Variants in FHIT observed in about 807,000 individuals in gnomAD.
FHIT encodes bis(5'-adenosyl)-triphosphatase.
In FHIT, 19 loss-of-function variants were observed where a neutral mutation model predicts 17.9. That is an observed-to-expected ratio of 1.06 (90% confidence interval 0.74 to 1.56). The LOEUF is 1.56. Among genes scored for constraint, FHIT ranks in the 40% most tolerant of loss-of-function variants. The pLI is 0.00. For missense variants in FHIT, 248 were observed against 189.2 expected (o/e 1.31, Z -1.82); for synonymous variants, 81 against 69.7 (o/e 1.16, Z -0.81).
At chr3:59,986,530 T>C (rs527795986) in intron 7 of FHIT, among the ~76,000 whole-genome samples, 1,210 of 4,444 alleles carry the variant, frequency 0.27, 98 homozygotes, top group South Asian at 0.42. Flanking sequence ...TATATATATA[T>C]ATATATATAT....
chr3:60,414,066 T>C (rs570122429), intron 5 of FHIT, among the ~76,000 whole-genome samples: 12 of 152,346 alleles, frequency 7.9e-5, no homozygotes, highest in Admixed American at 6.5e-4. Flanking sequence ...ACTGGAATGA[T>C]AGGCGGGTGG....
At chr3:60,718,719 T>C (rs2041742427) in intron 4 of FHIT, among the ~76,000 whole-genome samples, 1 of 152,122 alleles carries the variant, frequency 6.6e-6, no homozygotes, top group African/African-American at 2.4e-5. Context: ...TAATGGAATG[T>C]TAAGAGTTGG....
At chr3:60,523,080 T>C (rs1559511011) in intron 5 of FHIT, among the ~76,000 whole-genome samples, 1 of 152,126 alleles carries the variant, frequency 6.6e-6, no homozygotes, top group Non-Finnish European at 1.5e-5. Context: ...GTGAGACTTA[T>C]TCATTACCAC....
intron 4 of FHIT, among the ~76,000 whole-genome samples, chr3:60,732,999 A>G (rs1400666857): frequency 1.3e-5 from 2 of 152,096 alleles, no homozygotes; most frequent in Non-Finnish European, 2.9e-5. Flanking sequence ...TTGCATATGA[A>G]ATGCACTATT....
At chr3:60,551,883 T>A (rs946153832) in intron 4 of FHIT, among the ~76,000 whole-genome samples, 1 of 151,960 alleles carries the variant, frequency 6.6e-6, no homozygotes, top group African/African-American at 2.4e-5. Context: ...AGTGTACAGT[T>A]TGATGGTTTT....
Position 60,662,703 on chromosome 3 carries a change from T to G in FHIT, c.-17-125724A>C, listed in dbSNP as rs1009659997. Among the ~76,000 whole-genome samples, 25 of 152,316 alleles carry G rather than the reference T, an allele frequency of 1.6e-4. 2 individuals carry two copies. In the South Asian group the frequency reaches 2.9e-3, roughly 18 times the overall value. ...GAACATGGGATATGTTTCCATTTGTTTGCGTCATCTATGATTTCCTTAAGT... is the reference window on the plus strand; with the variant it reads ...GAACATGGGATATGTTTCCATTTGTGTGCGTCATCTATGATTTCCTTAAGT... On this transcript the variant is annotated intron_variant, in intron 4 of 9. Coordinates refer to ENST00000492590, the MANE Select transcript of FHIT (RefSeq NM_002012.4).
At chr3:60,975,654 GT>G (rs1298676126) in intron 3 of FHIT, among the ~76,000 whole-genome samples, 2 of 152,138 alleles carry the variant, frequency 1.3e-5, no homozygotes, top group Non-Finnish European at 2.9e-5. Context: ...CAAGGCAGGA[GT>G]TTTCAAACCT....
intron 3 of FHIT, among the ~76,000 whole-genome samples, chr3:61,025,422 C>T (rs974107025): frequency 6.6e-6 from 1 of 152,156 alleles, no homozygotes; most frequent in Non-Finnish European, 1.5e-5. Flanking sequence ...CTCCAAAGTG[C>T]TAAATGTGTG....
At chr3:59,930,279 C>G (rs927809597) in intron 7 of FHIT, among the ~76,000 whole-genome samples, 9 of 152,134 alleles carry the variant, frequency 5.9e-5, no homozygotes, top group Non-Finnish European at 1.2e-4. Context: ...GGATGCATTG[C>G]AGCCATGGTG....
chr3:59,950,005 C>T (rs1250473518), intron 7 of FHIT, among the ~76,000 whole-genome samples: 1 of 152,158 alleles, frequency 6.6e-6, no homozygotes, highest in South Asian at 2.1e-4. Flanking sequence ...TCAGGAGGAA[C>T]TGCAGAAGGA....
At chr3:60,860,138 T>TGATATATATATG (rs1394786638) in intron 3 of FHIT, among the ~76,000 whole-genome samples, 1 of 144,970 alleles carries the variant, frequency 6.9e-6, no homozygotes, top group African/African-American at 2.6e-5. Context: ...ATCTGATATA[T>TGATATATATATG]ATACATATGG....
chr3:60,723,161 T>C (rs2041846378), intron 4 of FHIT, among the ~76,000 whole-genome samples: 2 of 152,216 alleles, frequency 1.3e-5, no homozygotes, highest in African/African-American at 4.8e-5. Flanking sequence ...TCCCACGGCA[T>C]GCTGAATCCT....
At chr3:60,969,200 G>T (rs1278462893) in intron 3 of FHIT, among the ~76,000 whole-genome samples, 1 of 151,970 alleles carries the variant, frequency 6.6e-6, no homozygotes, top group Non-Finnish European at 1.5e-5. Flanking sequence ...GCTAATTTCT[G>T]TAATAGATAT....
At chr3:60,383,314 A>G (rs1201674290) in intron 5 of FHIT, among the ~76,000 whole-genome samples, 1 of 152,118 alleles carries the variant, frequency 6.6e-6, no homozygotes, top group African/African-American at 2.4e-5. Flanking sequence ...TAATAACAAT[A>G]TTTTTTAAAA....
intron 3 of FHIT, among the ~76,000 whole-genome samples, chr3:60,951,608 T>C (rs1487571707): frequency 6.6e-6 from 1 of 152,188 alleles, no homozygotes; most frequent in Non-Finnish European, 1.5e-5. Context: ...TATCATATGC[T>C]TAACCCACTT....
chr3:60,296,711 A>C (rs921358089), intron 5 of FHIT, among the ~76,000 whole-genome samples: 1 of 152,020 alleles, frequency 6.6e-6, no homozygotes, highest in Non-Finnish European at 1.5e-5. Flanking sequence ...TGCCAAGTCC[A>C]AGAACCCTTT....
intron 5 of FHIT, among the ~76,000 whole-genome samples, chr3:60,471,747 C>T (rs918529914): frequency 1.3e-5 from 2 of 152,128 alleles, no homozygotes; most frequent in African/African-American, 4.8e-5. Context: ...TTTGGTGTTT[C>T]TGCCGGGGAA....
At chr3:60,412,858 G>A (rs757453201) in intron 5 of FHIT, among the ~76,000 whole-genome samples, 2 of 152,276 alleles carry the variant, frequency 1.3e-5, no homozygotes, top group East Asian at 3.9e-4. Context: ...TCATAAGTAA[G>A]TTATCAGGAG....
chr3:61,156,316 T>G (rs2037532456), intron 2 of FHIT, among the ~76,000 whole-genome samples: 1 of 152,176 alleles, frequency 6.6e-6, no homozygotes, highest in Non-Finnish European at 1.5e-5. Context: ...ATACCTACCA[T>G]TTTTTAAGTC....
Sources: gnomAD v4.1 joint callset for allele counts (sites outside exome capture counted in the v4.1 genomes callset) on GRCh38, gnomAD v4.1.1 for gene constraint, MANE v1.5 for transcripts, NCBI Gene and HGNC (gene_info 2026-07-23, HGNC 2026-07-21) for gene names.